TUSC3: variants seen among roughly 807,000 people sequenced by gnomAD.
The protein encoded by TUSC3 is tumor suppressor candidate 3.
In TUSC3, 45 loss-of-function variants were observed where a neutral mutation model predicts 44.8. That is an observed-to-expected ratio of 1.00 (90% CI 0.79 to 1.29). TUSC3 has a LOEUF of 1.29. TUSC3 is among the 50% of genes most tolerant of loss of function. The pLI is 0.00. For synonymous variants in TUSC3, 212 were observed against 152.9 expected (o/e 1.39, Z -2.85); for missense variants, 519 against 437.9 (o/e 1.19, Z -1.65).
intron 1 of TUSC3, among the ~76,000 whole-genome samples, chr8:15,478,487 C>T (rs1294097298): frequency 6.6e-6 from 1 of 152,084 alleles, no homozygotes; most frequent in Admixed American, 6.6e-5. Flanking sequence ...TTCATGTGTT[C>T]TCATTGTTGA....
intron 2 of TUSC3, among the ~76,000 whole-genome samples, chr8:15,500,089 T>A (rs1325817249): frequency 6.6e-6 from 1 of 152,196 alleles, no homozygotes; most frequent in East Asian, 1.9e-4. Flanking sequence ...TTTTCATATA[T>A]CCTCTATTAC....
intron 7 of TUSC3, among the ~76,000 whole-genome samples, chr8:15,731,620 G>T (rs1810727266): frequency 1.3e-5 from 2 of 152,104 alleles, no homozygotes; most frequent in South Asian, 4.1e-4. Flanking sequence ...GAATTCAGTT[G>T]TCTTTTTCAT....
At chr8:15,479,959 G>T (rs574001273) in intron 1 of TUSC3, among the ~76,000 whole-genome samples, 1 of 152,086 alleles carries the variant, frequency 6.6e-6, no homozygotes, top group Admixed American at 6.6e-5. Flanking sequence ...AAAGTCTCAG[G>T]ATACAAAATC....
intron 6 of TUSC3, among the ~76,000 whole-genome samples, chr8:15,727,075 A>G (rs1286906991): frequency 1.3e-5 from 2 of 152,196 alleles, no homozygotes; most frequent in African/African-American, 2.4e-5. Context: ...AAATAAATAA[A>G]TGAACATCAT....
chr8:15,805,313 G>A, the TUSC3 span, among the ~76,000 whole-genome samples: 1 of 152,068 alleles, frequency 6.6e-6, no homozygotes, highest in Non-Finnish European at 1.5e-5. Context: ...CTATTTGGGT[G>A]CCTTGAATTT....
chr8:15,476,415 T>C (rs1187621027), intron 1 of TUSC3, among the ~76,000 whole-genome samples: 1 of 152,238 alleles, frequency 6.6e-6, no homozygotes, highest in East Asian at 1.9e-4. Flanking sequence ...ATTTATCAAC[T>C]AATGTAATTT....
At chr8:15,607,916 G>T in intron 1 of TUSC3, among the ~76,000 whole-genome samples, 1 of 152,052 alleles carries the variant, frequency 6.6e-6, no homozygotes, top group East Asian at 1.9e-4. Flanking sequence ...GTTATGGAAC[G>T]TAATGAAGTG....
downstream of TUSC3, among the ~76,000 whole-genome samples, chr8:15,770,734 A>C (rs1381853613): frequency 6.6e-6 from 1 of 152,180 alleles, no homozygotes; most frequent in African/African-American, 2.4e-5. Flanking sequence ...GAAATGATCC[A>C]GTCTGAGGAG....
At chr8:15,718,947 T>TA (rs1810181824) in intron 6 of TUSC3, among the ~76,000 whole-genome samples, 1 of 152,040 alleles carries the variant, frequency 6.6e-6, no homozygotes, top group African/African-American at 2.4e-5. Flanking sequence ...TATGTATATA[T>TA]TTTTTCCTTT....
At chr8:15,794,817 C>T in the TUSC3 span, among the ~76,000 whole-genome samples, 29,663 of 152,082 alleles carry the variant, frequency 0.2, 2,968 homozygotes, top group South Asian at 0.32. Context: ...ACAGCAAATA[C>T]GTCTCTCCTT....
rs188184924 is a variant in TUSC3 at position 15,680,721 on chromosome 8, T to C, written c.798+6885T>C. Among the ~76,000 whole-genome samples the C allele has an allele frequency of 3.9e-4, 60 of 152,242 alleles. 1 individual carries two copies. In the East Asian group the frequency reaches 0.012, roughly 29 times the overall value. ...CTCCTGTTGAGTATGATGTTGCCTG[T>C]GGGTTTGTCATAGATGACTCTTACT... On this transcript the variant is annotated intron_variant, in intron 6 of 10. Coordinates refer to ENST00000503731, the MANE Select transcript of TUSC3 (RefSeq NM_006765.4).
intron 6 of TUSC3, among the ~76,000 whole-genome samples, chr8:15,707,230 G>A (rs1016825726): frequency 2.0e-5 from 3 of 151,940 alleles, no homozygotes; most frequent in Admixed American, 6.6e-5. Context: ...AAATGCTTAT[G>A]CCAAGCTATT....
chr8:15,652,098 G>T (rs1192651408), intron 3 of TUSC3, among the ~76,000 whole-genome samples: 1 of 152,152 alleles, frequency 6.6e-6, no homozygotes, highest in African/African-American at 2.4e-5. Flanking sequence ...TTACCCTGCA[G>T]TTCATTATTA....
At chr8:15,705,341 C>T (rs944556505) in intron 6 of TUSC3, among the ~76,000 whole-genome samples, 1 of 151,934 alleles carries the variant, frequency 6.6e-6, no homozygotes, top group African/African-American at 2.4e-5. Context: ...AAGAAGACTG[C>T]TCAAATTATT....
chr8:15,806,470 C>A, the TUSC3 span: 23 of 878,674 alleles, frequency 2.6e-5, no homozygotes, highest in Non-Finnish European at 4.1e-5. Context: ...TTCCCTTATG[C>A]AAACAGGTGT....
chr8:15,420,431 G>C (rs562308743), intron 1 of TUSC3, among the ~76,000 whole-genome samples: 5 of 151,972 alleles, frequency 3.3e-5, no homozygotes, highest in Non-Finnish European at 7.4e-5. Flanking sequence ...CTGGGAAGTG[G>C]AGGTTACAGT....
chr8:15,768,554 A>G (rs1173905405), downstream of TUSC3, among the ~76,000 whole-genome samples: 3 of 152,184 alleles, frequency 2.0e-5, no homozygotes, highest in African/African-American at 7.2e-5. Context: ...AACCATGGAC[A>G]AACAACTAAA....
At chr8:15,796,629 T>C in the TUSC3 span, among the ~76,000 whole-genome samples, 1 of 152,196 alleles carries the variant, frequency 6.6e-6, no homozygotes, top group Non-Finnish European at 1.5e-5. Flanking sequence ...CATAGGCATT[T>C]AGGGGACCAC....
At chr8:15,452,877 A>G (rs1475082454) in intron 1 of TUSC3, among the ~76,000 whole-genome samples, 1 of 152,116 alleles carries the variant, frequency 6.6e-6, no homozygotes, top group Admixed American at 6.6e-5. Context: ...CCTTCTTGCA[A>G]TATAATTTCA....
Sources: allele counts gnomAD v4.1 joint callset (sites outside exome capture counted in the v4.1 genomes callset), GRCh38; gene constraint gnomAD v4.1.1; transcripts MANE v1.5; gene names NCBI Gene and HGNC (gene_info 2026-07-23, HGNC 2026-07-21).